Variants in NELL1 observed in about 807,000 individuals in gnomAD.
NELL1 encodes neural EGFL like 1.
In NELL1, 76 loss-of-function variants were observed where a neutral mutation model predicts 107.4. The ratio of observed to expected loss-of-function variants is 0.71; its 90% confidence interval spans 0.59 to 0.86. The LOEUF (loss-of-function observed/expected upper bound fraction) is 0.86. Among genes scored for constraint, NELL1 ranks in the 40% least tolerant of loss-of-function variants. The pLI is 0.00. For missense variants in NELL1, 1,024 were observed against 1,005.5 expected, an observed-to-expected ratio of 1.02 and a Z score of -0.25; for synonymous variants, 353 against 341.2, an observed-to-expected ratio of 1.03 and a Z score of -0.38.
chr11:20,947,383 C>T lies in NELL1; in HGVS notation c.1119C>T (p.Cys373=). 1 of 1,614,010 alleles carries T rather than the reference C, an allele frequency of 6.2e-7. No homozygotes were observed. The highest frequency in any genetic ancestry group is 8.5e-7 in the Non-Finnish European group (1 of 1,179,960). The change falls in exon 11 of 20, where the codon TGC becomes TGT. Residue 373 remains cysteine, a synonymous_variant. Transcript: ENST00000357134. ...KITEMCPPLN[C]SEKDHILPEN... ...CAGAAATGTGTCCTCCTTTGAACTG[C>T]TCAGAAAAGGATCACATTCTTCCTG...
At chr11:21,310,715 C>T (rs1056594164) in intron 14 of NELL1, among the ~76,000 whole-genome samples, 1 of 151,782 alleles carries the variant, frequency 6.6e-6, no homozygotes, top group Non-Finnish European at 1.5e-5. Context: ...GGTGTCCAAG[C>T]AGAAAATGTT....
chr11:20,929,969 C>CAA (rs971079446), intron 9 of NELL1, among the ~76,000 whole-genome samples: 3 of 93,868 alleles, frequency 3.2e-5, no homozygotes, highest in African/African-American at 8.4e-5. Flanking sequence ...GAGTCTGTCT[C>CAA]AAAAAAAAAA....
At chr11:20,811,520 G>A (rs909897212) in intron 3 of NELL1, among the ~76,000 whole-genome samples, 1 of 151,968 alleles carries the variant, frequency 6.6e-6, no homozygotes, top group Non-Finnish European at 1.5e-5. Flanking sequence ...GGAATCTGTA[G>A]ATTACTTTAA....
At chr11:21,549,492 A>G (rs1856525163) in intron 16 of NELL1, among the ~76,000 whole-genome samples, 1 of 151,904 alleles carries the variant, frequency 6.6e-6, no homozygotes, top group Non-Finnish European at 1.5e-5. Context: ...TAACCTTCCA[A>G]GAGAACGAAT....
chr11:21,323,215 T>C (rs1344244677), intron 14 of NELL1, among the ~76,000 whole-genome samples: 2 of 152,170 alleles, frequency 1.3e-5, no homozygotes, highest in Non-Finnish European at 2.9e-5. Flanking sequence ...GTAACAAATT[T>C]TTAAACTGAG....
chr11:20,756,107 C>G (rs1013913031), intron 2 of NELL1, among the ~76,000 whole-genome samples: 1 of 150,286 alleles, frequency 6.7e-6, no homozygotes, highest in African/African-American at 2.5e-5. Flanking sequence ...GTCTCGATCT[C>G]CTGACCTCGT....
At chr11:21,525,094 G>A (rs1855818282) in intron 15 of NELL1, among the ~76,000 whole-genome samples, 3 of 152,144 alleles carry the variant, frequency 2.0e-5, no homozygotes, top group Admixed American at 2.0e-4. Context: ...GAGTTGAAAT[G>A]TTAACAGATG....
At chr11:21,401,146 G>A (rs766120443) in intron 15 of NELL1, among the ~76,000 whole-genome samples, 13 of 151,760 alleles carry the variant, frequency 8.6e-5, no homozygotes, top group Admixed American at 4.6e-4. Context: ...GAAATACCAC[G>A]TGCTATAAAA....
Position 21,090,702 on chromosome 11 carries a change from C to T in NELL1, c.1301-22887C>T, listed in dbSNP as rs972306594. ...TTTTTATGTGGATCTTAACAAATAC[C>T]TTCATGAGTAAGGCTGATGGGGGAT... On this transcript the variant is annotated intron_variant, in intron 12 of 19. Transcript: ENST00000357134. 3.3e-5 allele frequency among the ~76,000 whole-genome samples: 5 copies of T among 152,282 alleles called. No individual in the cohort carries two copies. In the South Asian group the frequency reaches 6.2e-4, roughly 19 times the overall value.
intron 14 of NELL1, among the ~76,000 whole-genome samples, chr11:21,242,318 C>A (rs753196518): frequency 1.3e-5 from 2 of 152,010 alleles, no homozygotes; most frequent in African/African-American, 4.8e-5. Context: ...AGAATCCTTA[C>A]CACTCCGTCA....
At chr11:21,496,541 C>T (rs1854985625) in intron 15 of NELL1, among the ~76,000 whole-genome samples, 1 of 151,752 alleles carries the variant, frequency 6.6e-6, no homozygotes, top group African/African-American at 2.4e-5. Flanking sequence ...TCCCGAGTAG[C>T]TGGGACTACA....
chr11:21,371,690 G>T (rs1187926656), intron 15 of NELL1, among the ~76,000 whole-genome samples: 1 of 151,984 alleles, frequency 6.6e-6, no homozygotes, highest in Non-Finnish European at 1.5e-5. Flanking sequence ...TTTTGTTAGG[G>T]TAAAATCACT....
At chr11:21,224,279 A>G (rs1027279492) in intron 13 of NELL1, among the ~76,000 whole-genome samples, 2 of 152,004 alleles carry the variant, frequency 1.3e-5, no homozygotes, top group Non-Finnish European at 2.9e-5. Context: ...GTCTCTGTCT[A>G]TCGCCCAAGC....
At chr11:21,285,597 G>A (rs1327242945) in intron 14 of NELL1, among the ~76,000 whole-genome samples, 1 of 152,114 alleles carries the variant, frequency 6.6e-6, no homozygotes, top group Non-Finnish European at 1.5e-5. Flanking sequence ...AGGCACTGCA[G>A]CTCTTCTGGA....
At chr11:21,336,356 A>T (rs1850395499) in intron 14 of NELL1, among the ~76,000 whole-genome samples, 1 of 152,010 alleles carries the variant, frequency 6.6e-6, no homozygotes, top group Non-Finnish European at 1.5e-5. Flanking sequence ...GTTAACAGTG[A>T]ATCACTTGAG....
intron 12 of NELL1, among the ~76,000 whole-genome samples, chr11:21,079,487 C>T (rs1854215284): frequency 6.6e-6 from 1 of 151,984 alleles, no homozygotes; most frequent in Non-Finnish European, 1.5e-5. Flanking sequence ...GTAGAAAACA[C>T]TAGTCATGTT....
At chr11:21,155,037 G>A (rs997179199) in intron 13 of NELL1, among the ~76,000 whole-genome samples, 5 of 152,166 alleles carry the variant, frequency 3.3e-5, no homozygotes, top group African/African-American at 1.2e-4. Flanking sequence ...TCTGGTAAGA[G>A]ACAGTGGTCT....
intron 2 of NELL1, among the ~76,000 whole-genome samples, chr11:20,754,149 A>G (rs891642780): frequency 1.3e-5 from 2 of 152,126 alleles, no homozygotes; most frequent in Admixed American, 1.3e-4. Context: ...TGTAGCTACC[A>G]AAAAAGAGGG....
intron 12 of NELL1, among the ~76,000 whole-genome samples, chr11:20,978,759 C>T (rs1851691481): frequency 6.6e-6 from 1 of 152,182 alleles, no homozygotes; most frequent in Non-Finnish European, 1.5e-5. Context: ...TCATCCCCTT[C>T]CTTCTCCCTT....
Sources: allele counts gnomAD v4.1 joint callset (sites outside exome capture counted in the v4.1 genomes callset), GRCh38; gene constraint gnomAD v4.1.1; transcripts MANE v1.5; gene names NCBI Gene and HGNC (gene_info 2026-07-23, HGNC 2026-07-21).